Variants in DACH1 observed in about 807,000 individuals in gnomAD.
DACH1 encodes the protein dachshund homolog 1.
In DACH1, 12 loss-of-function variants were observed where a neutral mutation model predicts 54.2. The ratio of observed to expected loss-of-function variants is 0.22; its 90% CI spans 0.14 to 0.36. DACH1 has a LOEUF of 0.36. DACH1 is among the 10% of genes least tolerant of loss of function. The pLI is 1.00. For missense variants in DACH1, 805 were observed against 929.8 expected, an observed-to-expected ratio of 0.87 and a Z score of 1.75; for synonymous variants, 386 against 366.2, an observed-to-expected ratio of 1.05 and a Z score of -0.62.
At chr13:71,676,165 T>C (rs1288295797) in intron 2 of DACH1, among the ~76,000 whole-genome samples, 1 of 152,130 alleles carries the variant, frequency 6.6e-6, no homozygotes, top group East Asian at 1.9e-4. Flanking sequence ...TACTTGTGAG[T>C]ATCCCAATGA....
chr13:71,630,446 A>G (rs963161747), intron 3 of DACH1, 110 bp downstream of exon 3: 94 of 1,434,410 alleles, frequency 6.6e-5, no homozygotes, highest in Non-Finnish European at 8.3e-5. Flanking sequence ...TTTTCAAGCT[A>G]AAAGTGCCAA....
At chr13:71,642,657 A>C (rs576453891) in intron 2 of DACH1, among the ~76,000 whole-genome samples, 1 of 152,328 alleles carries the variant, frequency 6.6e-6, no homozygotes, top group African/African-American at 2.4e-5. Flanking sequence ...AATTGAAAAC[A>C]CTGCTGTTAT....
rs1873941305 is a variant in DACH1 at position 71,855,458 on chromosome 13, T to C, written c.848+10464A>G. Among the ~76,000 whole-genome samples, 3 of 152,010 alleles carry C rather than the reference T, an allele frequency of 2.0e-5. No individual in the cohort carries two copies. In the South Asian group the frequency reaches 6.2e-4, roughly 31 times the overall value. On this transcript the variant is annotated intron_variant, in intron 1 of 10. Transcript: ENST00000613252. ...TTTAATACTGTCAAACAAGTAGAGATGCTATGACCTTACCCATTTATATCA... is the reference window on the plus strand; with the variant it reads ...TTTAATACTGTCAAACAAGTAGAGACGCTATGACCTTACCCATTTATATCA...
intron 3 of DACH1, among the ~76,000 whole-genome samples, chr13:71,606,171 T>C (rs963089797): frequency 6.6e-6 from 1 of 152,060 alleles, no homozygotes; most frequent in South Asian, 2.1e-4. Context: ...AACTATATAT[T>C]GAATGTATAC....
intron 6 of DACH1, among the ~76,000 whole-genome samples, chr13:71,510,376 C>T (rs1272361864): frequency 5.3e-5 from 8 of 151,920 alleles, no homozygotes; most frequent in South Asian, 2.1e-4. Flanking sequence ...CACATCTCTA[C>T]GGGGATATCT....
chr13:71,639,158 C>T lies in DACH1; in HGVS notation c.965-8441G>A, dbSNP rs534132141. 3.3e-5 allele frequency among the ~76,000 whole-genome samples: 5 copies of T among 152,218 alleles called. No homozygotes were observed. The South Asian group carries it at 1.0e-3, about 32-fold the overall frequency. On this transcript the variant is annotated intron_variant, in intron 2 of 10. Coordinates refer to ENST00000613252, the MANE Select transcript of DACH1 (RefSeq NM_080759.6). ...TTTTCCTCCTATCCTTATTTAAATACCAGCTGTCAGAAACTGACACTAACT... is the reference window on the plus strand; with the variant it reads ...TTTTCCTCCTATCCTTATTTAAATATCAGCTGTCAGAAACTGACACTAACT...
At chr13:71,534,621 T>C (rs1882634742) in intron 6 of DACH1, among the ~76,000 whole-genome samples, 1 of 151,658 alleles carries the variant, frequency 6.6e-6, no homozygotes. Flanking sequence ...GAAGAAACAG[T>C]ATCTAGATTT....
chr13:71,735,015 T>C (rs563804778), intron 1 of DACH1, among the ~76,000 whole-genome samples: 71 of 150,192 alleles, frequency 4.7e-4, no homozygotes, highest in African/African-American at 1.7e-3. Flanking sequence ...GATATTTATA[T>C]ATACACACAC....
chr13:71,689,876 C>T (rs1446785666), intron 1 of DACH1, among the ~76,000 whole-genome samples: 1 of 152,012 alleles, frequency 6.6e-6, no homozygotes, highest in African/African-American at 2.4e-5. Flanking sequence ...GCTTCTAAGT[C>T]CTCTTCCCCT....
At chr13:71,550,511 A>G (rs1277623191) in intron 6 of DACH1, among the ~76,000 whole-genome samples, 1 of 152,168 alleles carries the variant, frequency 6.6e-6, no homozygotes, top group Non-Finnish European at 1.5e-5. Flanking sequence ...ATCAAGGCGC[A>G]TGGGTAAAAA....
At chr13:71,535,416 C>G (rs976127304) in intron 6 of DACH1, among the ~76,000 whole-genome samples, 7 of 151,402 alleles carry the variant, frequency 4.6e-5, no homozygotes, top group African/African-American at 1.5e-4. Flanking sequence ...TATTGTTAAC[C>G]AAGAACTCAA....
At chr13:71,763,991 A>T (rs1043099144) in intron 1 of DACH1, among the ~76,000 whole-genome samples, 1 of 152,204 alleles carries the variant, frequency 6.6e-6, no homozygotes, top group Admixed American at 6.5e-5. Flanking sequence ...TGTGCACAAC[A>T]ATCTTGGGTA....
At chr13:71,490,393 C>T (rs1878881914) in intron 6 of DACH1, among the ~76,000 whole-genome samples, 1 of 152,148 alleles carries the variant, frequency 6.6e-6, no homozygotes, top group Admixed American at 6.6e-5. Flanking sequence ...CCTCACCTTG[C>T]CACATTTCTA....
intron 10 of DACH1, chr13:71,464,554 T>C (rs764132831): frequency 2.4e-6 from 1 of 425,074 alleles, no homozygotes; most frequent in South Asian, 1.8e-5. Context: ...TTTTGGCTTC[T>C]CTCAGCACAA....
intron 1 of DACH1, among the ~76,000 whole-genome samples, chr13:71,835,443 T>A (rs1479029884): frequency 6.6e-6 from 1 of 152,044 alleles, no homozygotes; most frequent in Non-Finnish European, 1.5e-5. Context: ...ACAACAAGGG[T>A]AAGAATCCTG....
At chr13:71,681,384 A>C (rs570892358) in intron 2 of DACH1, among the ~76,000 whole-genome samples, 27 of 152,324 alleles carry the variant, frequency 1.8e-4, no homozygotes, top group Non-Finnish European at 3.4e-4. Flanking sequence ...TTTTGTTTGG[A>C]TGCATGTCTA....
At chr13:71,510,408 G>T (rs1486468829) in intron 6 of DACH1, among the ~76,000 whole-genome samples, 3 of 151,818 alleles carry the variant, frequency 2.0e-5, no homozygotes, top group African/African-American at 4.8e-5. Context: ...TAAAAAAAAT[G>T]TTCAAAAAAT....
intron 1 of DACH1, among the ~76,000 whole-genome samples, chr13:71,690,842 G>A (rs1223382160): frequency 6.6e-6 from 1 of 152,136 alleles, no homozygotes; most frequent in African/African-American, 2.4e-5. Context: ...TGAGGCAAGA[G>A]GATCCCTTGA....
At chr13:71,466,470 T>TTGA (rs1274582367) in intron 10 of DACH1, among the ~76,000 whole-genome samples, 3 of 152,234 alleles carry the variant, frequency 2.0e-5, no homozygotes, top group African/African-American at 7.2e-5. Flanking sequence ...TCCATCATTC[T>TTGA]TGATATTCCC....
Sources: allele counts gnomAD v4.1 joint callset (sites outside exome capture counted in the v4.1 genomes callset), GRCh38; gene constraint gnomAD v4.1.1; transcripts MANE v1.5; gene names NCBI Gene and HGNC (gene_info 2026-07-23, HGNC 2026-07-21).